CDC42BPA: variants seen among roughly 807,000 people sequenced by gnomAD.
The protein encoded by CDC42BPA is CDC42 binding protein kinase alpha, also known as serine/threonine-protein kinase MRCK alpha.
A neutral mutation model predicts 223.5 loss-of-function variants in CDC42BPA; 80 were observed. That is an observed-to-expected ratio of 0.36 (90% CI 0.30 to 0.43). The LOEUF is 0.43. Ranked by LOEUF, CDC42BPA falls within the 20% of genes least tolerant of loss-of-function variation. CDC42BPA has a pLI of 1.00. For missense variants in CDC42BPA, 1,743 were observed against 2,099.9 expected (o/e 0.83, Z 3.32); for synonymous variants, 694 against 718.6 (o/e 0.97, Z 0.55).
chr1:227,140,680 G>A (rs967484382), intron 9 of CDC42BPA, among the ~76,000 whole-genome samples: 3 of 152,144 alleles, frequency 2.0e-5, no homozygotes, highest in African/African-American at 7.2e-5. Flanking sequence ...ACTGGAGTTG[G>A]GGATGGGTGG....
intron 1 of CDC42BPA, among the ~76,000 whole-genome samples, chr1:227,272,161 TA>T (rs1457207074): frequency 1.3e-5 from 2 of 152,146 alleles, no homozygotes; most frequent in South Asian, 2.1e-4. Flanking sequence ...AGGTCACCTA[TA>T]AGAATAAATG....
Position 227,098,155 on chromosome 1 carries a change from A to C in CDC42BPA, c.2249+2837T>G, listed in dbSNP as rs187894177. ...CGGCGCTGCTAACACAAGGACACTA[A>C]ATTTGCCTGTTATTATGCTGTCATT... On this transcript the variant is annotated intron_variant, in intron 15 of 36. Coordinates refer to ENST00000366766, the MANE Select transcript of CDC42BPA (RefSeq NM_001394014.1). Among the ~76,000 whole-genome samples, 6 of 152,072 alleles carry C rather than the reference A, an allele frequency of 3.9e-5. No individual in the cohort carries two copies. In the East Asian group the frequency reaches 1.2e-3, roughly 29 times the overall value.
chr1:227,218,447 T>C (rs1210245652), intron 2 of CDC42BPA, among the ~76,000 whole-genome samples: 1 of 152,216 alleles, frequency 6.6e-6, no homozygotes, highest in Admixed American at 6.5e-5. Flanking sequence ...GCTTATTCTG[T>C]GCCTAGCACT....
At chr1:227,284,944 C>G (rs10799411) in intron 1 of CDC42BPA, among the ~76,000 whole-genome samples, 26,045 of 142,564 alleles carry the variant, frequency 0.18, 2,331 homozygotes, top group Middle Eastern at 0.24. Flanking sequence ...CACTGGGTGA[C>G]AGAGTGAGAC....
chr1:227,091,157 A>G (rs1683001843), intron 16 of CDC42BPA, among the ~76,000 whole-genome samples: 1 of 152,076 alleles, frequency 6.6e-6, no homozygotes. Flanking sequence ...GGACAGCCTT[A>G]ACTTGGCCTG....
chr1:227,019,357 TCAC>T (rs994213213), intron 32 of CDC42BPA, among the ~76,000 whole-genome samples: 1 of 152,184 alleles, frequency 6.6e-6, no homozygotes, highest in African/African-American at 2.4e-5. Flanking sequence ...CTTGCTCTTT[TCAC>T]CACATCTGTA....
chr1:227,126,070 A>C (rs1186493407), intron 11 of CDC42BPA, among the ~76,000 whole-genome samples: 2 of 152,082 alleles, frequency 1.3e-5, no homozygotes, highest in East Asian at 3.9e-4. Context: ...CCCACCTAGC[A>C]GACTGGGATC....
At chr1:227,037,914 C>G (rs1403165936) in intron 24 of CDC42BPA, among the ~76,000 whole-genome samples, 1 of 151,994 alleles carries the variant, frequency 6.6e-6, no homozygotes, top group Non-Finnish European at 1.5e-5. Flanking sequence ...TTGAAAAGAG[C>G]CCCTATCAGA....
intron 21 of CDC42BPA, 90 bp downstream of exon 21, chr1:227,069,687 C>A: frequency 1.2e-6 from 1 of 824,202 alleles, no homozygotes; most frequent in Non-Finnish European, 2.0e-6. Flanking sequence ...ATGTGGGAAG[C>A]AATAAAATGG....
At chr1:227,014,904 C>T (rs1354594511) in intron 34 of CDC42BPA, among the ~76,000 whole-genome samples, 1 of 152,172 alleles carries the variant, frequency 6.6e-6, no homozygotes, top group Admixed American at 6.6e-5. Context: ...TTAATTTAAA[C>T]ATGACCGGTC....
At chr1:227,312,827 C>G (rs1413075704) in intron 1 of CDC42BPA, among the ~76,000 whole-genome samples, 1 of 152,080 alleles carries the variant, frequency 6.6e-6, no homozygotes, top group African/African-American at 2.4e-5. Flanking sequence ...CTCACAAGAT[C>G]TGGTTGTTTA....
At chr1:227,034,547 C>T (rs896801774) in intron 26 of CDC42BPA, 108 bp downstream of exon 26, 21 of 1,011,744 alleles carry the variant, frequency 2.1e-5, no homozygotes, top group South Asian at 7.1e-5. Flanking sequence ...TTAGAAAATA[C>T]GAAATTAGTT....
intron 4 of CDC42BPA, among the ~76,000 whole-genome samples, chr1:227,199,027 C>T (rs890161023): frequency 6.6e-6 from 1 of 152,102 alleles, no homozygotes; most frequent in Non-Finnish European, 1.5e-5. Context: ...GGATTACAGG[C>T]GTGAGCCACC....
chr1:227,160,242 T>C (rs556219916), intron 6 of CDC42BPA, among the ~76,000 whole-genome samples: 272 of 152,308 alleles, frequency 1.8e-3, no homozygotes, highest in Non-Finnish European at 2.6e-3. Context: ...CCGGTGAACT[T>C]TGAAATATCT....
intron 23 of CDC42BPA, among the ~76,000 whole-genome samples, chr1:227,045,078 G>C (rs1369070006): frequency 6.6e-6 from 1 of 152,058 alleles, no homozygotes; most frequent in African/African-American, 2.4e-5. Flanking sequence ...CTCTTAACCG[G>C]TCTGTGTACA....
chr1:227,074,868 AT>A (rs1356048602), intron 17 of CDC42BPA, among the ~76,000 whole-genome samples: 5 of 152,158 alleles, frequency 3.3e-5, no homozygotes, highest in African/African-American at 1.2e-4. Context: ...GATCAATAAA[AT>A]AACAAAGAGG....
rs186393094 is a variant in CDC42BPA, at chr1:227,115,585, T to A, written c.1648-2672A>T. Among the ~76,000 whole-genome samples, 57 of 151,842 alleles carry A rather than the reference T, an allele frequency of 3.8e-4. 1 individual carries two copies. The highest frequency in any genetic ancestry group is 2.9e-3 in the Admixed American group (44 of 15,244). ...ATACACAGAAGCTTGCTCTCTAAATTGGAACACGAACTATTTTCAAGAACA... is the reference window on the plus strand; with the variant it reads ...ATACACAGAAGCTTGCTCTCTAAATAGGAACACGAACTATTTTCAAGAACA... On this transcript the variant is annotated intron_variant, in intron 12 of 36. Transcript: ENST00000366766.
chr1:227,061,888 G>A (rs1005513858), intron 21 of CDC42BPA, among the ~76,000 whole-genome samples: 2 of 152,106 alleles, frequency 1.3e-5, no homozygotes, highest in Non-Finnish European at 2.9e-5. Context: ...CCAAATCTCT[G>A]TTGCCAGTCC....
At chr1:227,115,217 A>T (rs1687579440) in intron 12 of CDC42BPA, among the ~76,000 whole-genome samples, 1 of 152,126 alleles carries the variant, frequency 6.6e-6, no homozygotes, top group Admixed American at 6.6e-5. Flanking sequence ...ACAGAAAAAA[A>T]GATAGTAGAA....
Sources: allele counts gnomAD v4.1 joint callset (sites outside exome capture counted in the v4.1 genomes callset), GRCh38; gene constraint gnomAD v4.1.1; transcripts MANE v1.5; gene names NCBI Gene and HGNC (gene_info 2026-07-23, HGNC 2026-07-21).